Variants in KCNH7 observed in about 807,000 individuals in gnomAD.
KCNH7 encodes the protein voltage-gated inwardly rectifying potassium channel KCNH7.
In KCNH7, 49 loss-of-function variants were observed where a neutral mutation model predicts 120.8. The ratio of observed to expected loss-of-function variants is 0.41; its 90% CI spans 0.32 to 0.51. KCNH7 has a LOEUF of 0.51. Ranked by LOEUF, KCNH7 falls within the 20% of genes least tolerant of loss-of-function variation. The pLI, the probability that KCNH7 is intolerant of heterozygous loss-of-function variation, is 0.38. For synonymous variants in KCNH7, 547 were observed against 516.1 expected (o/e 1.06, Z -0.81); for missense variants, 1,097 against 1,446.6 (o/e 0.76, Z 3.92).
intron 2 of KCNH7, among the ~76,000 whole-genome samples, chr2:162,648,343 A>G (rs2088533164): frequency 6.6e-6 from 1 of 152,108 alleles, no homozygotes; most frequent in Admixed American, 6.6e-5. Flanking sequence ...CTGAGAAGTA[A>G]CTCACTATCA....
intron 3 of KCNH7, among the ~76,000 whole-genome samples, chr2:162,522,834 T>A (rs559099897): frequency 6.6e-6 from 1 of 151,990 alleles, no homozygotes; most frequent in Admixed American, 6.6e-5. Context: ...TAGTTGTTAA[T>A]ATGCATGAAT....
At chr2:162,730,987 A>C (rs1427975830) in intron 2 of KCNH7, among the ~76,000 whole-genome samples, 1 of 151,998 alleles carries the variant, frequency 6.6e-6, no homozygotes, top group Non-Finnish European at 1.5e-5. Flanking sequence ...GAAAATTAAA[A>C]TATATAACAA....
intron 3 of KCNH7, among the ~76,000 whole-genome samples, chr2:162,521,249 T>C (rs1476966840): frequency 1.3e-5 from 2 of 151,904 alleles, no homozygotes; most frequent in African/African-American, 4.8e-5. Flanking sequence ...CTTGGCATGG[T>C]AAATGAATTT....
chr2:162,623,291 A>C (rs377282711), intron 2 of KCNH7, among the ~76,000 whole-genome samples: 1 of 152,104 alleles, frequency 6.6e-6, no homozygotes, highest in East Asian at 1.9e-4. Context: ...ATTTCAAAAA[A>C]CTGTTTGCCT....
At chr2:162,536,274 A>T (rs1692104736) in intron 3 of KCNH7, among the ~76,000 whole-genome samples, 2 of 151,960 alleles carry the variant, frequency 1.3e-5, no homozygotes, top group Non-Finnish European at 1.5e-5. Context: ...TAGAGAAAAA[A>T]CAACCAATAT....
chr2:162,635,493 A>C (rs1449360465), intron 2 of KCNH7, among the ~76,000 whole-genome samples: 2 of 151,972 alleles, frequency 1.3e-5, no homozygotes, highest in Admixed American at 6.6e-5. Flanking sequence ...TCAAGAATCT[A>C]TGTGTTTAGT....
chr2:162,810,178 GT>G lies in KCNH7; in HGVS notation c.307+26358del, dbSNP rs1684689934. The stretch of plus-strand genomic sequence containing the variant: ...GATCCGCCCGCCTCGGCCTCCCAAA[GT>G]GCTGGGATTACAGGCGTGAGCCACC... On this transcript the variant is annotated intron_variant, in intron 2 of 15. Coordinates refer to ENST00000332142, the MANE Select transcript of KCNH7 (RefSeq NM_033272.4). Among the ~76,000 whole-genome samples the G allele has an allele frequency of 9.9e-5, 2 of 20,212 alleles. 1 individual carries two copies. Among genetic ancestry groups the G allele is most frequent in the African/African-American group, 2.5e-4 (2 of 8,070 alleles). 13.3% of individuals were successfully genotyped at this position (20,212 alleles called of 152,430 possible). A position where few individuals can be genotyped will look rare whatever the true frequency, so the allele number is the denominator to read the frequency against.
At chr2:162,607,355 A>G (rs902285213) in intron 2 of KCNH7, among the ~76,000 whole-genome samples, 2 of 151,844 alleles carry the variant, frequency 1.3e-5, no homozygotes, top group Admixed American at 1.3e-4. Context: ...GTCCCACTGC[A>G]CTCCAGCCTG....
intron 2 of KCNH7, among the ~76,000 whole-genome samples, chr2:162,553,649 A>AAAAAGAAAAG (rs751404895): frequency 3.3e-5 from 5 of 152,164 alleles, no homozygotes; most frequent in African/African-American, 1.2e-4. Flanking sequence ...ACTGTCTCAA[A>AAAAAGAAAAG]AAAAGAAAAG....
At chr2:162,786,259 A>AAAT (rs1439854421) in intron 2 of KCNH7, among the ~76,000 whole-genome samples, 1 of 151,922 alleles carries the variant, frequency 6.6e-6, no homozygotes, top group Non-Finnish European at 1.5e-5. Flanking sequence ...AAAAAAAAAA[A>AAAT]AAAAGCTAGT....
intron 5 of KCNH7, among the ~76,000 whole-genome samples, chr2:162,507,297 T>C (rs1315499558): frequency 1.3e-5 from 2 of 151,654 alleles, no homozygotes; most frequent in Admixed American, 6.6e-5. Flanking sequence ...GAACCAAATA[T>C]TATTAAATTT....
chr2:162,572,982 G>T (rs1044388652), intron 2 of KCNH7, among the ~76,000 whole-genome samples: 1 of 151,970 alleles, frequency 6.6e-6, no homozygotes, highest in Non-Finnish European at 1.5e-5. Flanking sequence ...CACCAGCATG[G>T]CACATGTATA....
chr2:162,427,239 A>C (rs1687894371), intron 8 of KCNH7, among the ~76,000 whole-genome samples: 1 of 152,054 alleles, frequency 6.6e-6, no homozygotes, highest in Non-Finnish European at 1.5e-5. Flanking sequence ...TAAACACCTA[A>C]GAGTGGAATT....
chr2:162,796,339 A>G (rs1406063443), intron 2 of KCNH7: 1 of 152,044 alleles, frequency 6.6e-6, no homozygotes, highest in Non-Finnish European at 1.5e-5. Context: ...CAGCACAAAA[A>G]AAGACTGCAA....
chr2:162,598,772 T>C (rs1213957414), intron 2 of KCNH7, among the ~76,000 whole-genome samples: 1 of 152,170 alleles, frequency 6.6e-6, no homozygotes, highest in Non-Finnish European at 1.5e-5. Flanking sequence ...CCCAAGTTTT[T>C]ATTGCTTTAC....
At chr2:162,448,395 C>T (rs970762874) in intron 6 of KCNH7, among the ~76,000 whole-genome samples, 1 of 152,036 alleles carries the variant, frequency 6.6e-6, no homozygotes, top group Non-Finnish European at 1.5e-5. Flanking sequence ...AAAATATGGA[C>T]CCATTCCATC....
In KCNH7 at chr2:162,379,991, T is replaced by C; in HGVS notation, c.2993A>G (p.Glu998Gly). The C allele has an allele frequency of 1.9e-6, 3 of 1,614,024 alleles. No individual in the cohort carries two copies. The highest frequency in any genetic ancestry group is 8.5e-7 in the Non-Finnish European group (1 of 1,179,920). ...DITDMRSWERENAHPQPEDSS... is the reference protein window; with the variant it reads ...DITDMRSWERGNAHPQPEDSS... ...GTCTTCAGGCTGGGGATGTGCATTT[T>C]CTCGTTCCCAGCTTCGCATGTCAGT... is the stretch of plus-strand genomic sequence containing the variant. The change falls in exon 14 of 16, where the codon GAA becomes GGA. Residue 998 changes from glutamate (E) to glycine (G), a missense_variant. Coordinates refer to ENST00000332142, the MANE Select transcript of KCNH7 (RefSeq NM_033272.4).
chr2:162,504,582 T>A lies in KCNH7; in HGVS notation c.989A>T (p.Asn330Ile). The change falls in exon 6 of 16, where the codon AAC becomes ATC. Residue 330 changes from asparagine (N) to isoleucine (I), a missense_variant. By Grantham distance (149) the Asn-to-Ile change is moderately radical (BLOSUM62 -3). Coordinates refer to ENST00000332142, the MANE Select transcript of KCNH7 (RefSeq NM_033272.4). The part of the protein sequence containing the change: ...DSNLNKYSTI[N>I]KIPQLTLNFS... ...ATTCAGAGTGAGCTGTGGAATCTTG[T>A]TAATGGTGCTGTATTTGTTGAGGTT... is the stretch of plus-strand genomic sequence containing the variant. 2 of 1,613,012 alleles carry A rather than the reference T, an allele frequency of 1.2e-6. No individual in the cohort carries two copies. The highest frequency in any genetic ancestry group is 1.7e-6 in the Non-Finnish European group (2 of 1,179,256).
At chr2:162,446,735 G>A (rs891173434) in intron 6 of KCNH7, among the ~76,000 whole-genome samples, 7 of 152,030 alleles carry the variant, frequency 4.6e-5, no homozygotes, top group Non-Finnish European at 8.8e-5. Flanking sequence ...CCTTTGGAAC[G>A]TAGTACATCT....
Sources: allele counts gnomAD v4.1 joint callset (sites outside exome capture counted in the v4.1 genomes callset), GRCh38; gene constraint gnomAD v4.1.1; transcripts MANE v1.5; gene names NCBI Gene and HGNC (gene_info 2026-07-23, HGNC 2026-07-21).